The following TPM1 variants were observed in gnomAD, a reference collection of about 807,000 sequenced individuals.
TPM1 encodes the protein tropomyosin 1.
In TPM1, 24 loss-of-function variants were observed where a neutral mutation model predicts 42.9. That is an observed-to-expected ratio of 0.56 (90% CI 0.41 to 0.79). TPM1 has a LOEUF of 0.79. TPM1 is among the 30% of genes least tolerant of loss of function. The pLI is 0.00. For missense variants in TPM1, 158 were observed against 351.8 expected (o/e 0.45, Z 4.41); for synonymous variants, 136 against 130.1 (o/e 1.05, Z -0.31).
At chr15:63,062,993 G>A (rs2035855276) in intron 8 of TPM1, 3 of 1,361,794 alleles carry the variant, frequency 2.2e-6, no homozygotes, top group Admixed American at 7.0e-5. Flanking sequence ...AATTAAATTG[G>A]GAATGATGTG....
Position 63,066,032 on chromosome 15 carries a change from A to C in TPM1, c.*133A>C. The C allele has an allele frequency of 6.5e-7, 1 of 1,546,898 alleles. No homozygotes were observed. The highest frequency in any genetic ancestry group is 8.7e-7 in the Non-Finnish European group (1 of 1,147,442). On this transcript the variant is annotated 3_prime_UTR_variant, in exon 10 of 10. Transcript: ENST00000403994. ...CATCCTGCCTTAGAGCCAGGCACAC[A>C]CTGTGCTTTCTATTGTACAGAAGCT...
At chr15:63,070,729 G>A (rs958056592), downstream of TPM1, 8 of 1,056,630 alleles carry the variant, frequency 7.6e-6, no homozygotes, top group South Asian at 3.2e-5. Context: ...TCTGCTGTTC[G>A]TAACTTCTTC....
chr15:63,050,479 A>G (rs1034480748), intron 2 of TPM1, among the ~76,000 whole-genome samples: 1 of 152,224 alleles, frequency 6.6e-6, no homozygotes, highest in Admixed American at 6.5e-5. Flanking sequence ...TTAGACACAA[A>G]AGATAAATTT....
At chr15:63,053,748 C>T (rs1044947275) in intron 2 of TPM1, among the ~76,000 whole-genome samples, 4 of 141,672 alleles carry the variant, frequency 2.8e-5, no homozygotes, top group Non-Finnish European at 6.0e-5. Context: ...GTGGCATGAT[C>T]TCGGCTCACT....
At position 63,052,880 on chromosome 15, in the gene TPM1, G is replaced by T. The variant is rs183950171; in HGVS notation, c.241-4105G>T. On this transcript the variant is annotated intron_variant, in intron 2 of 9. Coordinates refer to ENST00000403994, the MANE Select transcript of TPM1 (RefSeq NM_001018005.2). ...AAGTAAAAATAAGAAAGAGAAAAAAGTGGCCCTGATTAAATTATAAAATTA... is the reference window on the plus strand; with the variant it reads ...AAGTAAAAATAAGAAAGAGAAAAAATTGGCCCTGATTAAATTATAAAATTA... 5.9e-5 allele frequency among the ~76,000 whole-genome samples: 9 copies of T among 152,220 alleles called. No individual in the cohort carries two copies. The East Asian group carries it at 1.7e-3, about 29-fold the overall frequency.
Position 63,042,895 on chromosome 15 carries a change from T to C in TPM1, c.66T>C (p.Ala22=), listed in dbSNP as rs1235744996. ...ACAAGGAGAACGCCTTGGATCGAGC[T>C]GAGCAGGCGGAGGCCGACAAGAAGG... ...KLDKENALDR[A]EQAEADKKAA... The change falls in exon 1 of 10, where the codon GCT becomes GCC. Residue 22 remains alanine, a synonymous_variant. Coordinates refer to ENST00000403994, the MANE Select transcript of TPM1 (RefSeq NM_001018005.2). 6.2e-7 allele frequency: 1 copy of C among 1,612,588 alleles called. No individual in the cohort carries two copies.
intron 1 of TPM1, 36 bp downstream of exon 1, chr15:63,042,979 G>A (rs1269349413): frequency 2.6e-6 from 4 of 1,548,804 alleles, no homozygotes; most frequent in Non-Finnish European, 3.5e-6. Context: ...CGCGCCCAGA[G>A]CGCCGGGACT....
Position 63,064,964 on chromosome 15 carries a change from C to T in TPM1, c.851+822C>T, listed in dbSNP as rs912400608. On this transcript the variant is annotated intron_variant, in intron 9 of 9. Transcript: ENST00000403994. Reference sequence around the variant, plus strand: ...CCTGGACGACAGAGCGAGACTCTGTCTCAAGAAAAAAAAGAATGGTAGAGT... The same window carrying T: ...CCTGGACGACAGAGCGAGACTCTGTTTCAAGAAAAAAAAGAATGGTAGAGT... 3 of 983,074 alleles carry T rather than the reference C, an allele frequency of 3.1e-6. No homozygotes were observed. The African/African-American group carries it at 5.3e-5, about 17-fold the overall frequency. 60.9% of individuals were successfully genotyped at this position (983,074 alleles called of 1,614,324 possible).
chr15:63,069,374 G>C (rs2036472797), downstream of TPM1, among the ~76,000 whole-genome samples: 1 of 152,122 alleles, frequency 6.6e-6, no homozygotes, highest in South Asian at 2.1e-4. Flanking sequence ...CTACCTGAGG[G>C]GAAAGCCTGC....
At chr15:63,051,262 G>T (rs2033797077) in intron 2 of TPM1, among the ~76,000 whole-genome samples, 1 of 152,158 alleles carries the variant, frequency 6.6e-6, no homozygotes, top group African/African-American at 2.4e-5. Flanking sequence ...AAAATTCCCA[G>T]CACTTTCCCT....
At chr15:63,062,845 C>T in intron 8 of TPM1, 200 bp downstream of exon 8, 7 of 1,527,882 alleles carry the variant, frequency 4.6e-6, no homozygotes, top group Non-Finnish European at 6.1e-6. Context: ...ACTAGTTAGC[C>T]ACCAGCCATA....
At chr15:63,066,570 T>G (rs563976429), downstream of TPM1, among the ~76,000 whole-genome samples, 322 of 152,374 alleles carry the variant, frequency 2.1e-3, 1 homozygote, top group African/African-American at 7.5e-3. Context: ...GTTCTGTAGC[T>G]GTCCCATATT....
chr15:63,064,750 G>A (rs1363215601), intron 9 of TPM1: 3 of 808,258 alleles, frequency 3.7e-6, no homozygotes, highest in Admixed American at 6.1e-5. Flanking sequence ...CGGATCACGA[G>A]GTCAGGAGAT....
At chr15:63,051,380 C>T (rs142705526) in intron 2 of TPM1, among the ~76,000 whole-genome samples, 16 of 152,256 alleles carry the variant, frequency 1.1e-4, no homozygotes, top group African/African-American at 3.1e-4. Flanking sequence ...TCTCGATTTC[C>T]GCTTTCATAT....
downstream of TPM1, chr15:63,071,001 G>C (rs2036579738): frequency 6.3e-7 from 1 of 1,598,320 alleles, no homozygotes; most frequent in Non-Finnish European, 8.5e-7. Flanking sequence ...TCCTGTGTTT[G>C]TGATTGATGT....
intron 1 of TPM1, 133 bp from the exon 2 acceptor site, chr15:63,043,894 C>T (rs1443261712): frequency 1.9e-5 from 29 of 1,551,458 alleles, no homozygotes; most frequent in African/African-American, 2.7e-5. Flanking sequence ...TTCTCTCTCT[C>T]CCTCCCTGTC....
intron 2 of TPM1, among the ~76,000 whole-genome samples, chr15:63,054,010 T>A (rs960090720): frequency 3.3e-5 from 5 of 151,864 alleles, no homozygotes; most frequent in African/African-American, 1.2e-4. Context: ...CATCTCTGAG[T>A]TGATTCTGAC....
intron 2 of TPM1, chr15:63,056,656 G>T: frequency 2.9e-6 from 1 of 340,676 alleles, no homozygotes; most frequent in Non-Finnish European, 5.6e-6. Context: ...GATAGAGCGA[G>T]ACCCTGTCTC....
chr15:63,057,173 C>T (rs1214109670), intron 3 of TPM1, 55 bp downstream of exon 3: 7 of 1,610,220 alleles, frequency 4.3e-6, no homozygotes, highest in African/African-American at 2.7e-5. Context: ...TGGAATAAAC[C>T]GGAGGGCTCC....
Sources: gnomAD v4.1 joint callset for allele counts (sites outside exome capture counted in the v4.1 genomes callset) on GRCh38, gnomAD v4.1.1 for gene constraint, MANE v1.5 for transcripts, NCBI Gene and HGNC (gene_info 2026-07-23, HGNC 2026-07-21) for gene names.